The following NTM variants were observed in gnomAD, a reference collection of about 807,000 sequenced individuals.
NTM encodes IgLON family member 2.
In NTM, 13 loss-of-function variants were observed where a neutral mutation model predicts 42.1. The ratio of observed to expected loss-of-function variants is 0.31; its 90% CI spans 0.20 to 0.49. The LOEUF (loss-of-function observed/expected upper bound fraction) is 0.49. Ranked by LOEUF, NTM falls within the 20% of genes least tolerant of loss-of-function variation. NTM has a pLI of 0.99. For synonymous variants in NTM, 187 were observed against 179.2 expected, an observed-to-expected ratio of 1.04 and a Z score of -0.35; for missense variants, 373 against 452.8, an observed-to-expected ratio of 0.82 and a Z score of 1.60.
chr11:131,818,017 C>A (rs186054036), intron 1 of NTM, among the ~76,000 whole-genome samples: 1 of 152,076 alleles, frequency 6.6e-6, no homozygotes, highest in South Asian at 2.1e-4. Context: ...AGATGATAGG[C>A]GGGGGAGCAG....
chr11:132,336,655 G>A lies in NTM; in HGVS notation c.*1509G>A, dbSNP rs2095874436. On this transcript the variant is annotated 3_prime_UTR_variant, in exon 9 of 9. Transcript: ENST00000683400. ...GAGTGTGTATGAAAGAGAAGAAAAT[G>A]CAATTTTTAGGTAATCTTTTTTTTT... 2.0e-5 allele frequency: 3 copies of A among 151,328 alleles called. No individual in the cohort carries two copies. The highest frequency in any genetic ancestry group is 2.9e-5 in the Non-Finnish European group (2 of 67,868). The allele number at this position is 151,328 out of a possible 1,614,324, so 9.4% of individuals were successfully genotyped here. A position where few individuals can be genotyped will look rare whatever the true frequency, so the allele number is the denominator to read the frequency against.
intron 1 of NTM, among the ~76,000 whole-genome samples, chr11:131,770,217 C>T (rs547441978): frequency 1.3e-5 from 2 of 152,356 alleles, no homozygotes; most frequent in Non-Finnish European, 2.9e-5. Context: ...TGCCTGTCCC[C>T]TGACAGAGGA....
At chr11:132,263,955 C>G (rs959543557) in intron 4 of NTM, among the ~76,000 whole-genome samples, 1 of 152,178 alleles carries the variant, frequency 6.6e-6, no homozygotes, top group Non-Finnish European at 1.5e-5. Flanking sequence ...AGCTTTCTCT[C>G]CAGTTTTCCT....
intron 3 of NTM, among the ~76,000 whole-genome samples, chr11:132,164,760 C>T (rs904990934): frequency 1.5e-4 from 23 of 152,156 alleles, no homozygotes; most frequent in African/African-American, 3.9e-4. Flanking sequence ...ATGCTGATCA[C>T]GGGTACATCT....
At chr11:132,081,478 A>T (rs990257855) in intron 2 of NTM, among the ~76,000 whole-genome samples, 1 of 152,154 alleles carries the variant, frequency 6.6e-6, no homozygotes, top group African/African-American at 2.4e-5. Context: ...CGCGCCTGTA[A>T]TCCCAGCACT....
rs114750344 is a variant in NTM at position 131,420,910 on chromosome 11, C to T, written c.82+50022C>T. Among the ~76,000 whole-genome samples the T allele has an allele frequency of 8.7e-3, 1,317 of 152,234 alleles. 25 individuals carry two copies. Among genetic ancestry groups the T allele is most frequent in the African/African-American group, 0.03 (1,249 of 41,542 alleles). On this transcript the variant is annotated intron_variant, in intron 1 of 8. Transcript: ENST00000683400. ...GTTCTCCTCCATGATGTAATGCCTCCTCTGCTTCACGCAGACCACACTCTG... is the reference window on the plus strand; with the variant it reads ...GTTCTCCTCCATGATGTAATGCCTCTTCTGCTTCACGCAGACCACACTCTG...
Position 132,326,237 on chromosome 11 carries a change from G to A in NTM, c.935-3916G>A, listed in dbSNP as rs186051460. 5.9e-5 allele frequency among the ~76,000 whole-genome samples: 9 copies of A among 152,258 alleles called. No individual in the cohort carries two copies. The East Asian group carries it at 1.7e-3, about 29-fold the overall frequency. ...AGGGAAGTGAGAGAGCCTAGAGCAT[G>A]GACATGCATTGCTATGGCTATGCTT... On this transcript the variant is annotated intron_variant, in intron 7 of 8. Transcript: ENST00000683400.
intron 2 of NTM, among the ~76,000 whole-genome samples, chr11:131,982,074 C>G (rs890951575): frequency 2.0e-5 from 3 of 151,476 alleles, no homozygotes; most frequent in Non-Finnish European, 2.9e-5. Flanking sequence ...AACAACACAA[C>G]AAAAAACACT....
At chr11:132,314,729 A>T in intron 7 of NTM, 26 bp downstream of exon 7, 1 of 1,598,612 alleles carries the variant, frequency 6.3e-7, no homozygotes, top group Non-Finnish European at 8.5e-7. Context: ...GAGCTGGGCA[A>T]GAAGAGGGGA....
chr11:131,780,362 G>A (rs1379585725), intron 1 of NTM, among the ~76,000 whole-genome samples: 4 of 151,640 alleles, frequency 2.6e-5, no homozygotes, highest in Non-Finnish European at 5.9e-5. Context: ...AGGGACAATG[G>A]CTTATTTAAG....
At chr11:131,653,105 C>T (rs2066720526) in intron 1 of NTM, among the ~76,000 whole-genome samples, 1 of 152,220 alleles carries the variant, frequency 6.6e-6, no homozygotes, top group African/African-American at 2.4e-5. Context: ...TCACCAGGTT[C>T]CCATGGGTGT....
chr11:132,126,946 A>G (rs140335376), intron 2 of NTM, among the ~76,000 whole-genome samples: 2,270 of 152,340 alleles, frequency 0.015, 30 homozygotes, highest in Non-Finnish European at 0.022. Flanking sequence ...GGCACAGCAC[A>G]TTAAGAACTA....
At chr11:131,450,812 C>A (rs1950422400) in intron 1 of NTM, among the ~76,000 whole-genome samples, 1 of 152,206 alleles carries the variant, frequency 6.6e-6, no homozygotes, top group Admixed American at 6.5e-5. Context: ...AAATTGAAAT[C>A]TGTGAATGTA....
intron 1 of NTM, among the ~76,000 whole-genome samples, chr11:131,501,831 T>C (rs73572354): frequency 0.033 from 4,970 of 152,088 alleles, 270 homozygotes; most frequent in African/African-American, 0.11. Context: ...ACACCATTTA[T>C]TAAGATGGAG....
intron 2 of NTM, among the ~76,000 whole-genome samples, chr11:132,079,123 C>G (rs1340803760): frequency 1.3e-5 from 2 of 152,154 alleles, no homozygotes; most frequent in African/African-American, 4.8e-5. Context: ...ACCAGCAAAC[C>G]TTAGACTTAG....
Position 132,315,776 on chromosome 11 carries a change from A to G in NTM, c.934+1073A>G, listed in dbSNP as rs562702439. On this transcript the variant is annotated intron_variant, in intron 7 of 8. Coordinates refer to ENST00000683400, the MANE Select transcript of NTM (RefSeq NM_001352005.2). The stretch of plus-strand genomic sequence containing the variant: ...ATCCTCCTGCATTCTACCCGGCACA[A>G]ATAGTAAATCCCAGCTTTATCTGAG... Among the ~76,000 whole-genome samples, 10 of 152,148 alleles carry G rather than the reference A, an allele frequency of 6.6e-5. No homozygotes were observed. In the South Asian group the frequency reaches 2.1e-3, roughly 32 times the overall value.
At chr11:132,235,472 T>A (rs2088620997) in intron 4 of NTM, among the ~76,000 whole-genome samples, 1 of 152,180 alleles carries the variant, frequency 6.6e-6, no homozygotes. Flanking sequence ...AGCAGATGCC[T>A]AGAATGTAGT....
chr11:131,897,808 G>A (rs2052540423), intron 1 of NTM, among the ~76,000 whole-genome samples: 1 of 152,080 alleles, frequency 6.6e-6, no homozygotes, highest in Non-Finnish European at 1.5e-5. Flanking sequence ...TTGAGACAAA[G>A]GAAAGAGATA....
intron 4 of NTM, among the ~76,000 whole-genome samples, chr11:132,222,294 C>A (rs759156829): frequency 6.6e-6 from 1 of 152,212 alleles, no homozygotes; most frequent in Non-Finnish European, 1.5e-5. Context: ...ACGGACACAG[C>A]CTCCCTCTGA....
Sources: gnomAD v4.1 joint callset for allele counts (sites outside exome capture counted in the v4.1 genomes callset) on GRCh38, gnomAD v4.1.1 for gene constraint, MANE v1.5 for transcripts, NCBI Gene and HGNC (gene_info 2026-07-23, HGNC 2026-07-21) for gene names.